ACSL6: variants seen among roughly 807,000 people sequenced by gnomAD.
ACSL6 encodes the protein acyl-CoA synthetase long chain family member 6.
A neutral mutation model predicts 98.2 loss-of-function variants in ACSL6; 47 were observed. The observed-to-expected ratio is 0.48, with a 90% CI of 0.38 to 0.61. The LOEUF is 0.61. ACSL6 is among the 20% of genes least tolerant of loss of function. The pLI, the probability that ACSL6 is intolerant of heterozygous loss-of-function variation, is 0.00. For synonymous variants in ACSL6, 362 were observed against 336.9 expected, an observed-to-expected ratio of 1.07 and a Z score of -0.82; for missense variants, 761 against 913.4, an observed-to-expected ratio of 0.83 and a Z score of 2.15.
At chr5:131,970,644 C>T (rs1167232344) in intron 14 of ACSL6, among the ~76,000 whole-genome samples, 3 of 152,012 alleles carry the variant, frequency 2.0e-5, no homozygotes, top group East Asian at 1.9e-4. Context: ...CTCCTGACCT[C>T]GTGATCCACC....
chr5:131,986,606 T>A (rs1754197301), intron 8 of ACSL6, among the ~76,000 whole-genome samples: 1 of 152,160 alleles, frequency 6.6e-6, no homozygotes, highest in South Asian at 2.1e-4. Flanking sequence ...TGGCAGCTCT[T>A]TTTTCTCCCT....
chr5:132,001,064 A>C (rs1361223316), intron 1 of ACSL6, among the ~76,000 whole-genome samples: 1 of 152,176 alleles, frequency 6.6e-6, no homozygotes, highest in African/African-American at 2.4e-5. Flanking sequence ...CGATCAGCCC[A>C]CAAAGTCACT....
chr5:131,971,424 G>A, intron 14 of ACSL6, 126 bp downstream of exon 14: 1 of 728,092 alleles, frequency 1.4e-6, no homozygotes, highest in Non-Finnish European at 2.0e-6. Context: ...CTCCTCAGAG[G>A]AGGGAGCTTT....
intron 12 of ACSL6, 130 bp from the exon 13 acceptor site, chr5:131,972,988 G>A: frequency 1.5e-6 from 2 of 1,316,776 alleles, no homozygotes; most frequent in Middle Eastern, 2.0e-4. Context: ...GGAGGTCACT[G>A]AATGTGTGAC....
At chr5:131,999,112 C>T (rs1158705030) in intron 1 of ACSL6, among the ~76,000 whole-genome samples, 6 of 152,170 alleles carry the variant, frequency 3.9e-5, no homozygotes, top group African/African-American at 1.4e-4. Flanking sequence ...CTCCCAGGGC[C>T]CAGGGACCCT....
intron 12 of ACSL6, among the ~76,000 whole-genome samples, 188 bp downstream of exon 12, chr5:131,973,078 G>A (rs1488985824): frequency 6.6e-6 from 1 of 152,190 alleles, no homozygotes; most frequent in East Asian, 1.9e-4. Context: ...TCTCCCGCAG[G>A]GGTATTTGGA....
At chr5:132,006,521 G>C (rs1160516682) in intron 1 of ACSL6, 1 of 152,330 alleles carries the variant, frequency 6.6e-6, no homozygotes, top group Non-Finnish European at 1.5e-5. Flanking sequence ...CCAGTGGATG[G>C]TTAGTGGGAA....
chr5:131,980,190 C>A (rs1016490694), intron 9 of ACSL6, among the ~76,000 whole-genome samples: 3 of 152,272 alleles, frequency 2.0e-5, no homozygotes, highest in East Asian at 3.9e-4. Flanking sequence ...TAATAGTTAC[C>A]GGTGACTGAC....
chr5:131,996,143 C>A (rs1346044327), intron 1 of ACSL6, among the ~76,000 whole-genome samples: 1 of 152,230 alleles, frequency 6.6e-6, no homozygotes, highest in East Asian at 1.9e-4. Context: ...TTTCACTGAG[C>A]TCCTGAGCTG....
rs192255255 is a variant in ACSL6, at chr5:131,970,123, C to T, written c.1507+5G>A. 60 of 1,614,028 alleles carry T rather than the reference C, an allele frequency of 3.7e-5. No homozygotes were observed. The highest frequency in any genetic ancestry group is 4.6e-5 in the Non-Finnish European group (54 of 1,180,006). On this transcript the variant is annotated splice_donor_5th_base_variant and intron_variant, in intron 15 of 20. Coordinates refer to ENST00000651883, the MANE Select transcript of ACSL6 (RefSeq NM_001009185.3). ...AGCCAGTCCTATATCTCTAGCCCATCCTACCTGAGGTCCAGTCGCCAGGAG... is the reference window on the plus strand; with the variant it reads ...AGCCAGTCCTATATCTCTAGCCCATTCTACCTGAGGTCCAGTCGCCAGGAG...
intron 11 of ACSL6, 180 bp downstream of exon 11, chr5:131,974,713 T>C: frequency 1.3e-6 from 2 of 1,576,072 alleles, no homozygotes; most frequent in Non-Finnish European, 8.6e-7. Flanking sequence ...GCTAGGGTTA[T>C]GGGTTCTAGG....
Position 131,962,585 on chromosome 5 carries a change from T to C in ACSL6, c.1807A>G (p.Ile603Val). Residue 603 changes from isoleucine to valine, a missense_variant, in exon 18 of 21, where the codon ATC becomes GTC. Physicochemically the swap from Ile to Val is conservative, Grantham distance 29 (BLOSUM62 3). Coordinates refer to ENST00000651883, the MANE Select transcript of ACSL6 (RefSeq NM_001009185.3). ...ATTTGCGCCACAGGTTGGCTCCGGATGTAGATGTTCTCAATCTTCTCGGGT... is the reference window on the plus strand; with the variant it reads ...ATTTGCGCCACAGGTTGGCTCCGGACGTAGATGTTCTCAATCTTCTCGGGT... ...VAPEKIENIYIRSQPVAQIYV... is the reference protein window; with the variant it reads ...VAPEKIENIYVRSQPVAQIYV... 6.2e-7 allele frequency: 1 copy of C among 1,614,128 alleles called. No homozygotes were observed. The highest frequency in any genetic ancestry group is 8.5e-7 in the Non-Finnish European group (1 of 1,179,984).
chr5:131,994,505 G>A (rs1347130288), intron 1 of ACSL6: 3 of 495,788 alleles, frequency 6.1e-6, no homozygotes, highest in Non-Finnish European at 1.1e-5. Flanking sequence ...CTCAGGCCCT[G>A]GGCCATGGCT....
At position 131,993,774 on chromosome 5, in the gene ACSL6, G is replaced by A. The variant is rs140256352; in HGVS notation, c.270+257C>T. 529 of 492,278 alleles carry A rather than the reference G, an allele frequency of 1.1e-3. 5 individuals carry two copies. Among genetic ancestry groups the A allele is most frequent in the South Asian group, 5.6e-3 (249 of 44,706 alleles). The allele number at this position is 492,278 out of a possible 1,614,324, so 30.5% of individuals were successfully genotyped here. ...CCAATGAGCCAAGGCCCTCCTACCC[G>A]AGAAGCAGGCAAACTAGAGGCCCAG... On this transcript the variant is annotated intron_variant, in intron 2 of 20. Coordinates refer to ENST00000651883, the MANE Select transcript of ACSL6 (RefSeq NM_001009185.3).
intron 11 of ACSL6, among the ~76,000 whole-genome samples, chr5:131,974,363 C>A (rs1360857569): frequency 6.6e-6 from 1 of 152,228 alleles, no homozygotes; most frequent in South Asian, 2.1e-4. Flanking sequence ...CATTCCCCAA[C>A]TTTACTCTTT....
chr5:132,011,746 C>G (rs1372057787), upstream of ACSL6: 1 of 1,301,114 alleles, frequency 7.7e-7, no homozygotes, highest in African/African-American at 1.5e-5. This position sits in a 1 kb window ranked among gnomAD's most constrained non-coding sequence, Gnocchi z 5.4. Context: ...GAGGGCGCGG[C>G]GCGCACTCGC....
rs183715442 is a variant in ACSL6, at chr5:131,962,107, A to G, written c.1857+428T>C. On this transcript the variant is annotated intron_variant, in intron 18 of 20. Coordinates refer to ENST00000651883, the MANE Select transcript of ACSL6 (RefSeq NM_001009185.3). ...GGGAGGGGGAAGGGGATGAGGTGGG[A>G]AGATGGCTAGAGCCCAGGAGGGAGA... is the stretch of plus-strand genomic sequence containing the variant. 3.7e-3 allele frequency among the ~76,000 whole-genome samples: 566 copies of G among 151,890 alleles called. 3 individuals carry two copies. The highest frequency in any genetic ancestry group is 6.2e-3 in the Non-Finnish European group (418 of 67,910).
At chr5:131,978,422 C>T (rs1389836151) in intron 9 of ACSL6, among the ~76,000 whole-genome samples, 2 of 152,162 alleles carry the variant, frequency 1.3e-5, no homozygotes, top group Non-Finnish European at 2.9e-5. Context: ...TTCTCCTACC[C>T]CACTTCAAAC....
intron 9 of ACSL6, chr5:131,982,157 T>G (rs1753935841): frequency 7.2e-6 from 1 of 139,544 alleles, no homozygotes; most frequent in Non-Finnish European, 1.5e-5. Context: ...TTTTTTTTTT[T>G]TTTTGAGACG....
Sources: gnomAD v4.1 joint callset for allele counts (sites outside exome capture counted in the v4.1 genomes callset) on GRCh38, gnomAD v4.1.1 for gene constraint, Gnocchi (gnomAD v3.1) non-coding constraint, MANE v1.5 for transcripts, NCBI Gene and HGNC (gene_info 2026-07-23, HGNC 2026-07-21) for gene names.